Variants in SLC41A3 observed in about 807,000 individuals in gnomAD.
SLC41A3 encodes SLC41A1-like 2.
SLC41A3 carries 44 observed loss-of-function variants against 45.4 expected under a neutral mutation model. The ratio of observed to expected loss-of-function variants is 0.97; its 90% CI spans 0.76 to 1.25. SLC41A3 has a LOEUF of 1.25. Ranked by LOEUF, SLC41A3 falls within the 50% of genes most tolerant of loss-of-function variation. The pLI, the probability that SLC41A3 is intolerant of heterozygous loss-of-function variation, is 0.00. For missense variants in SLC41A3, 550 were observed against 600.6 expected, an observed-to-expected ratio of 0.92 and a Z score of 0.88; for synonymous variants, 256 against 252.4, an observed-to-expected ratio of 1.01 and a Z score of -0.13.
chr3:126,021,417 A>G (rs960904203), intron 6 of SLC41A3, among the ~76,000 whole-genome samples: 2 of 152,132 alleles, frequency 1.3e-5, no homozygotes, highest in Non-Finnish European at 2.9e-5. Context: ...AAATTTCACC[A>G]TCTTGCCCTT....
intron 9 of SLC41A3, 132 bp from the exon 10 acceptor site, chr3:126,009,012 G>A (rs1474937550): frequency 9.0e-6 from 10 of 1,108,870 alleles, no homozygotes; most frequent in Non-Finnish European, 1.3e-5. Flanking sequence ...CTACTCTGTG[G>A]CAAGCATATT....
chr3:126,070,090 T>G, intron 1 of SLC41A3: 1 of 151,940 alleles, frequency 6.6e-6, no homozygotes, highest in East Asian at 1.9e-4. Flanking sequence ...AAACATTAAT[T>G]TCCACATCCA....
chr3:126,044,341 G>A (rs1299609691), intron 3 of SLC41A3, among the ~76,000 whole-genome samples: 2 of 152,206 alleles, frequency 1.3e-5, no homozygotes, highest in Non-Finnish European at 2.9e-5. Context: ...GAAAGAAACA[G>A]AGAGGTGTTC....
At chr3:126,059,615 AG>A (rs1943949764) in intron 2 of SLC41A3, among the ~76,000 whole-genome samples, 1 of 152,198 alleles carries the variant, frequency 6.6e-6, no homozygotes, top group Non-Finnish European at 1.5e-5. Flanking sequence ...TTAGTGTCAA[AG>A]GCAGGCCGAG....
intron 1 of SLC41A3, among the ~76,000 whole-genome samples, chr3:126,068,910 C>T (rs538227387): frequency 6.6e-6 from 1 of 152,232 alleles, no homozygotes; most frequent in Non-Finnish European, 1.5e-5. Context: ...TGGTGCAAAA[C>T]CTTTTGCCCT....
intron 1 of SLC41A3, among the ~76,000 whole-genome samples, chr3:126,077,579 G>A (rs532135658): frequency 3.3e-5 from 5 of 152,134 alleles, no homozygotes; most frequent in East Asian, 3.9e-4. Context: ...TCTCTGGCCC[G>A]TGTTCAGTAA....
At chr3:126,038,475 C>T (rs1264966314) in intron 3 of SLC41A3, among the ~76,000 whole-genome samples, 1 of 152,240 alleles carries the variant, frequency 6.6e-6, no homozygotes, top group African/African-American at 2.4e-5. Flanking sequence ...GAACGCAGGA[C>T]ATGGAGTCAA....
intron 6 of SLC41A3, among the ~76,000 whole-genome samples, chr3:126,020,921 G>C (rs1303610076): frequency 2.0e-5 from 3 of 150,330 alleles, no homozygotes; most frequent in Non-Finnish European, 3.0e-5. Context: ...TTTTGAGACA[G>C]TCTCTCTCTG....
chr3:126,062,841 A>C (rs543216599), intron 2 of SLC41A3, among the ~76,000 whole-genome samples: 1 of 152,316 alleles, frequency 6.6e-6, no homozygotes, highest in African/African-American at 2.4e-5. Flanking sequence ...CAACTCAAAC[A>C]GGCCACTCCA....
chr3:126,019,066 G>A (rs1043534979), intron 6 of SLC41A3, among the ~76,000 whole-genome samples: 2 of 152,152 alleles, frequency 1.3e-5, no homozygotes, highest in South Asian at 2.1e-4. Flanking sequence ...TTGTTCTTAC[G>A]GTTATAATGG....
intron 1 of SLC41A3, among the ~76,000 whole-genome samples, chr3:126,078,589 A>G (rs1576369192): frequency 1.3e-5 from 2 of 152,342 alleles, no homozygotes; most frequent in African/African-American, 4.8e-5. Context: ...TCAAAAAATA[A>G]CAGACACAGC....
intron 2 of SLC41A3, chr3:126,056,354 G>A (rs768236743): frequency 6.7e-5 from 108 of 1,613,526 alleles, no homozygotes; most frequent in Middle Eastern, 3.3e-4. Context: ...CACCCAGTAC[G>A]CACTTGAATG....
Position 126,051,025 on chromosome 3 carries a change from T to C in SLC41A3, c.299A>G (p.Lys100Arg). Residue 100 changes from lysine (K) to arginine (R), a missense_variant, in exon 3 of 11, where the codon AAA (lysine) becomes AGA (arginine). Physicochemically the swap from Lys to Arg is conservative, Grantham distance 26 (BLOSUM62 2). Coordinates refer to ENST00000360370, the MANE Select transcript of SLC41A3 (RefSeq NM_017836.4). ...GGGCGGCACCAATGTCAAAAGGTCTTTCACCTCCACAAACACAGGCCAGTG... is the reference window on the plus strand; with the variant it reads ...GGGCGGCACCAATGTCAAAAGGTCTCTCACCTCCACAAACACAGGCCAGTG... ...FQHWPVFVEV[K>R]DLLTLVPPLV... 6.2e-7 allele frequency: 1 copy of C among 1,611,640 alleles called. No individual in the cohort carries two copies. Among genetic ancestry groups the C allele is most frequent in the Non-Finnish European group, 8.5e-7 (1 of 1,178,858 alleles).
At chr3:126,083,609 G>C (rs529787452) in intron 1 of SLC41A3, among the ~76,000 whole-genome samples, 93 of 152,142 alleles carry the variant, frequency 6.1e-4, no homozygotes, top group Middle Eastern at 6.8e-3. Context: ...AGGCAGCGAG[G>C]GGTCCCTGCG....
chr3:126,067,108 GCC>G lies in SLC41A3; in HGVS notation c.273+837_273+838del, dbSNP rs1309968604. Among the ~76,000 whole-genome samples the G allele has an allele frequency of 1.3e-4, 3 of 22,700 alleles. No individual in the cohort carries two copies. The South Asian group carries it at 5.4e-3, about 41-fold the overall frequency. 14.9% of individuals were successfully genotyped at this position (22,700 alleles called of 152,430 possible). ...GGGTTGGACCGCCCCCCCGCCCCCC[GCC>G]CCGGCCACCGCACCACTAAGCAGAT... is the stretch of plus-strand genomic sequence containing the variant. On this transcript the variant is annotated intron_variant, in intron 2 of 10. Coordinates refer to ENST00000360370, the MANE Select transcript of SLC41A3 (RefSeq NM_017836.4).
Position 126,041,524 on chromosome 3 carries a change from C to A in SLC41A3, c.382-7846G>T, listed in dbSNP as rs1032501524. Among the ~76,000 whole-genome samples the A allele has an allele frequency of 2.0e-5, 3 of 152,294 alleles. No homozygotes were observed. In the East Asian group the frequency reaches 5.8e-4, roughly 29 times the overall value. On this transcript the variant is annotated intron_variant, in intron 3 of 10. Coordinates refer to ENST00000360370, the MANE Select transcript of SLC41A3 (RefSeq NM_017836.4). ...AAAGGGCGCAGGCTTCCATCAGCAA[C>A]ACTGGGCACAAGAAGATACTGAAAG...
intron 1 of SLC41A3, chr3:126,095,362 C>T (rs993323962): frequency 3.5e-5 from 19 of 545,010 alleles, no homozygotes; most frequent in Non-Finnish European, 5.5e-5. Flanking sequence ...AACACAACCA[C>T]CCACCGGAGG....
At chr3:126,053,909 A>G (rs905104054) in intron 2 of SLC41A3, among the ~76,000 whole-genome samples, 1 of 152,090 alleles carries the variant, frequency 6.6e-6, no homozygotes, top group Non-Finnish European at 1.5e-5. Flanking sequence ...TCAAGTCATC[A>G]CAACTTTTAA....
rs538864540 is a variant in SLC41A3, at chr3:126,055,870, G to A, written c.274-4820C>T. 4.8e-4 allele frequency among the ~76,000 whole-genome samples: 73 copies of A among 152,204 alleles called. 1 individual carries two copies. In the Middle Eastern group the frequency reaches 0.02, roughly 43 times the overall value. On this transcript the variant is annotated intron_variant, in intron 2 of 10. Coordinates refer to ENST00000360370, the MANE Select transcript of SLC41A3 (RefSeq NM_017836.4). ...CTTGTCCTTTTTTACCAGGGGCCAC[G>A]CCAGGATGCTGCGGGCTGGGCACAC...
Sources: gnomAD v4.1 joint callset for allele counts (sites outside exome capture counted in the v4.1 genomes callset) on GRCh38, gnomAD v4.1.1 for gene constraint, MANE v1.5 for transcripts, NCBI Gene and HGNC (gene_info 2026-07-23, HGNC 2026-07-21) for gene names.